Variants in NR1H4 observed in about 807,000 individuals in gnomAD.
The protein encoded by NR1H4 is bile acid receptor.
In NR1H4, 23 loss-of-function variants were observed where a neutral mutation model predicts 58.5. That is an observed-to-expected ratio of 0.39 (90% CI 0.28 to 0.56). NR1H4 has a LOEUF of 0.56. Among genes scored for constraint, NR1H4 ranks in the 20% least tolerant of loss-of-function variants. The pLI is 0.58. For synonymous variants in NR1H4, 214 were observed against 198.0 expected (o/e 1.08, Z -0.68); for missense variants, 487 against 576.9 (o/e 0.84, Z 1.60).
intron 4 of NR1H4, among the ~76,000 whole-genome samples, chr12:100,516,368 C>T (rs1954265145): frequency 6.6e-6 from 1 of 151,912 alleles, no homozygotes; most frequent in Admixed American, 6.6e-5. Context: ...TGATGACATG[C>T]TAATTCTTTT....
chr12:100,553,752 A>G (rs1033716586), intron 9 of NR1H4, among the ~76,000 whole-genome samples: 1 of 152,220 alleles, frequency 6.6e-6, no homozygotes, highest in Non-Finnish European at 1.5e-5. Flanking sequence ...TCCTTGGCGT[A>G]TTGACCTTCC....
chr12:100,488,523 A>T (rs190309806), intron 1 of NR1H4, among the ~76,000 whole-genome samples: 1 of 152,372 alleles, frequency 6.6e-6, no homozygotes, highest in East Asian at 1.9e-4. Context: ...AAATTAAAAA[A>T]ATTCAAATTT....
intron 3 of NR1H4, among the ~76,000 whole-genome samples, chr12:100,502,971 A>G (rs540058571): frequency 6.6e-6 from 1 of 152,286 alleles, no homozygotes; most frequent in South Asian, 2.1e-4. Flanking sequence ...GGATTATGGG[A>G]GCTACAATTC....
At chr12:100,542,816 G>A (rs1267554095) in intron 9 of NR1H4, among the ~76,000 whole-genome samples, 1 of 152,036 alleles carries the variant, frequency 6.6e-6, no homozygotes, top group African/African-American at 2.4e-5. Flanking sequence ...AGCATAATTA[G>A]CATCATTGGT....
Position 100,550,076 on chromosome 12 carries a change from T to C in NR1H4, c.1078+9258T>C, listed in dbSNP as rs143324757. On this transcript the variant is annotated intron_variant, in intron 9 of 10. Transcript: ENST00000392986. ...TTCAAATTCATACTCTTTTGTTTGC[T>C]GTTATTAAATCCCAATCACATACAC... 2.2e-3 allele frequency among the ~76,000 whole-genome samples: 332 copies of C among 152,324 alleles called. 3 individuals carry two copies. The highest frequency in any genetic ancestry group is 7.5e-3 in the African/African-American group (311 of 41,582).
chr12:100,515,564 A>G (rs1048561122), intron 4 of NR1H4, among the ~76,000 whole-genome samples: 4 of 152,206 alleles, frequency 2.6e-5, no homozygotes, highest in African/African-American at 9.7e-5. Context: ...GTATAAGATG[A>G]TCATAGATAT....
intron 3 of NR1H4, among the ~76,000 whole-genome samples, chr12:100,510,044 T>C (rs1359131333): frequency 6.6e-6 from 1 of 152,212 alleles, no homozygotes; most frequent in African/African-American, 2.4e-5. Flanking sequence ...CACATAGAAA[T>C]CTAAATAATT....
At chr12:100,537,174 A>G (rs1243714512) in intron 8 of NR1H4, 127 bp downstream of exon 8, 1 of 662,294 alleles carries the variant, frequency 1.5e-6, no homozygotes, top group South Asian at 1.9e-5. Context: ...CTCTATTTTC[A>G]CTATTACTTT....
chr12:100,494,881 T>G (rs1953679408), intron 3 of NR1H4, among the ~76,000 whole-genome samples: 2 of 152,216 alleles, frequency 1.3e-5, no homozygotes, highest in Non-Finnish European at 2.9e-5. Context: ...ATTTTATGAT[T>G]GTAGGTTGAG....
chr12:100,549,802 T>C (rs1469863415), intron 9 of NR1H4, among the ~76,000 whole-genome samples: 2 of 152,174 alleles, frequency 1.3e-5, no homozygotes, highest in Non-Finnish European at 2.9e-5. Context: ...ATCTATAATG[T>C]TTTCATTTAT....
At position 100,538,847 on chromosome 12, in the gene NR1H4, C is replaced by T. The variant is rs1387047106; in HGVS notation, c.931+1800C>T. 3.3e-5 allele frequency among the ~76,000 whole-genome samples: 5 copies of T among 152,252 alleles called. No homozygotes were observed. In the East Asian group the frequency reaches 7.7e-4, roughly 23 times the overall value. On this transcript the variant is annotated intron_variant, in intron 8 of 10. Transcript: ENST00000392986. ...GAAATTTCTCACTATCATTGAAACACTAATATGCTCTCATTTCTTTATTAA... is the reference window on the plus strand; with the variant it reads ...GAAATTTCTCACTATCATTGAAACATTAATATGCTCTCATTTCTTTATTAA...
intron 3 of NR1H4, among the ~76,000 whole-genome samples, chr12:100,508,585 G>A (rs1403781603): frequency 6.6e-6 from 1 of 152,096 alleles, no homozygotes; most frequent in Non-Finnish European, 1.5e-5. Context: ...TAACTACTAT[G>A]TGCCTCATGG....
At chr12:100,502,865 A>T (rs185073785) in intron 3 of NR1H4, among the ~76,000 whole-genome samples, 10 of 152,262 alleles carry the variant, frequency 6.6e-5, no homozygotes, top group African/African-American at 2.4e-4. Flanking sequence ...AAACCATCAG[A>T]TCTTGTGAGA....
intron 1 of NR1H4, among the ~76,000 whole-genome samples, chr12:100,482,644 AAAG>A (rs1368491592): frequency 1.3e-5 from 2 of 152,186 alleles, no homozygotes; most frequent in South Asian, 2.1e-4. Flanking sequence ...ACACCACTGC[AAAG>A]AAGAAGTACC....
intron 1 of NR1H4, among the ~76,000 whole-genome samples, chr12:100,481,863 G>A (rs993539438): frequency 3.3e-5 from 5 of 151,940 alleles, no homozygotes; most frequent in Admixed American, 1.3e-4. Flanking sequence ...GCAGTGAGCC[G>A]AGATGGCACC....
In NR1H4 at chr12:100,536,917, T is replaced by A. The variant is rs7138843; in HGVS notation, c.832-31T>A. 93,719 of 1,248,466 alleles carry A rather than the reference T, an allele frequency of 0.075. 14,355 individuals are homozygous for A. Among genetic ancestry groups the A allele is most frequent in the East Asian group, 0.49 (20,985 of 42,880 alleles). 77.3% of individuals were successfully genotyped at this position (1,248,466 alleles called of 1,614,324 possible). A position where few individuals can be genotyped will look rare whatever the true frequency, so the allele number is the denominator to read the frequency against. ...TATATTATCATTTTCTTATCTACTT[T>A]TTAATCATTGGTTTTTTTCTTAAAA... On this transcript the variant is annotated intron_variant, in intron 7 of 10. Transcript: ENST00000392986.
intron 1 of NR1H4, among the ~76,000 whole-genome samples, chr12:100,477,464 A>T (rs1173725472): frequency 6.6e-6 from 1 of 152,160 alleles, no homozygotes; most frequent in Non-Finnish European, 1.5e-5. Context: ...CCAGGTCTCA[A>T]TGAACCTGAG....
intron 1 of NR1H4, among the ~76,000 whole-genome samples, chr12:100,477,022 G>A (rs547540362): frequency 5.9e-5 from 9 of 152,266 alleles, no homozygotes; most frequent in African/African-American, 1.9e-4. Flanking sequence ...CAAGCTGTAT[G>A]AGGAGGCAAA....
intron 3 of NR1H4, among the ~76,000 whole-genome samples, chr12:100,506,020 CACACACACACACACACACACACAG>C (rs1280209741): frequency 6.9e-6 from 1 of 145,918 alleles, no homozygotes; most frequent in Non-Finnish European, 1.5e-5. Context: ...CACACACACA[CACACACACACACACACACACACAG>C]AGAGAGAGAG....
Sources: allele counts gnomAD v4.1 joint callset (sites outside exome capture counted in the v4.1 genomes callset), GRCh38; gene constraint gnomAD v4.1.1; transcripts MANE v1.5; gene names NCBI Gene and HGNC (gene_info 2026-07-23, HGNC 2026-07-21).